MMP16: variants seen among roughly 807,000 people sequenced by gnomAD.
MMP16 encodes matrix metalloproteinase-16.
Under a neutral mutation model 67.8 loss-of-function variants are expected in MMP16, and 12 were observed. That is an observed-to-expected ratio of 0.18 (90% CI 0.11 to 0.29). MMP16 has a LOEUF of 0.29. Ranked by LOEUF, MMP16 falls within the 10% of genes least tolerant of loss-of-function variation. MMP16 has a pLI of 1.00. For synonymous variants in MMP16, 249 were observed against 255.9 expected, an observed-to-expected ratio of 0.97 and a Z score of 0.26; for missense variants, 475 against 765.7, an observed-to-expected ratio of 0.62 and a Z score of 4.48.
Position 88,041,353 on chromosome 8 carries a change from G to C in MMP16, c.*108C>G. The C allele has an allele frequency of 8.7e-7, 1 of 1,155,964 alleles. No homozygotes were observed. Among genetic ancestry groups the C allele is most frequent in the Non-Finnish European group, 1.2e-6 (1 of 804,786 alleles). The allele number at this position is 1,155,964 out of a possible 1,614,324, so 71.6% of individuals were successfully genotyped here. ...GGTTTGAAAGGTCAGCCCCGAATCA[G>C]GCTGCCACAAGCCTGCTCCTAGCTA... is the stretch of plus-strand genomic sequence containing the variant. On this transcript the variant is annotated 3_prime_UTR_variant, in exon 10 of 10. Coordinates refer to ENST00000286614, the MANE Select transcript of MMP16 (RefSeq NM_005941.5). The surrounding 1 kb of genome is among the most constrained non-coding windows in gnomAD (Gnocchi z 6.0).
At chr8:88,317,898 T>C (rs1811399012) in intron 1 of MMP16, among the ~76,000 whole-genome samples, 1 of 152,156 alleles carries the variant, frequency 6.6e-6, no homozygotes, top group Non-Finnish European at 1.5e-5. Context: ...AGGAACTCAA[T>C]AACATTTGAG....
intron 1 of MMP16, among the ~76,000 whole-genome samples, chr8:88,262,687 G>A (rs1228907468): frequency 6.6e-6 from 1 of 151,730 alleles, no homozygotes; most frequent in Non-Finnish European, 1.5e-5. Flanking sequence ...CAAGTAATTG[G>A]CAATTTTGGA....
intron 1 of MMP16, among the ~76,000 whole-genome samples, chr8:88,299,373 A>G (rs1423112400): frequency 6.6e-6 from 1 of 152,150 alleles, no homozygotes; most frequent in African/African-American, 2.4e-5. Flanking sequence ...CTAGCATCGT[A>G]TCTCTTTATC....
chr8:88,320,993 A>G (rs1811452097), intron 1 of MMP16, among the ~76,000 whole-genome samples: 1 of 152,214 alleles, frequency 6.6e-6, no homozygotes, highest in Non-Finnish European at 1.5e-5. Flanking sequence ...AAGAACCTCA[A>G]AATCTATAAA....
rs1458223471 is a variant in MMP16 at position 88,229,642 on chromosome 8, G to A, written c.133-32336C>T. On this transcript the variant is annotated intron_variant, in intron 1 of 9. Transcript: ENST00000286614. Reference sequence around the variant, plus strand: ...AAAATGCATTAGATTTAAAAATCCAGAGGCACCCAGTCAGTGAAGGGGCCA... The same window carrying A: ...AAAATGCATTAGATTTAAAAATCCAAAGGCACCCAGTCAGTGAAGGGGCCA... Among the ~76,000 whole-genome samples the A allele has an allele frequency of 2.0e-5, 3 of 151,856 alleles. No individual in the cohort carries two copies. In the East Asian group the frequency reaches 5.8e-4, roughly 29 times the overall value.
intron 6 of MMP16, among the ~76,000 whole-genome samples, chr8:88,075,739 G>C (rs1025911462): frequency 1.3e-5 from 2 of 151,796 alleles, no homozygotes; most frequent in Non-Finnish European, 2.9e-5. Context: ...ATTTCACTTG[G>C]AAGTTAAGTA....
chr8:88,149,289 C>A (rs1027810707), intron 4 of MMP16, among the ~76,000 whole-genome samples: 2 of 152,200 alleles, frequency 1.3e-5, no homozygotes, highest in African/African-American at 2.4e-5. Flanking sequence ...GGGTGAGGGG[C>A]GCCCGCCATT....
At chr8:88,306,863 T>C (rs1002938692) in intron 1 of MMP16, among the ~76,000 whole-genome samples, 3 of 152,000 alleles carry the variant, frequency 2.0e-5, no homozygotes, top group Non-Finnish European at 2.9e-5. Flanking sequence ...CCCTTGAAAA[T>C]TGGCACAAGA....
chr8:88,033,680 T>G lies in MMP16; in HGVS notation c.*7781A>C, dbSNP rs1808015325. ...TAAAATCAGATACCTAAAAAAATCT[T>G]TCAAAACTTTTAAGCCTGAAACAAA... On this transcript the variant is annotated 3_prime_UTR_variant, in exon 10 of 10. Transcript: ENST00000286614. The G allele has an allele frequency of 6.6e-6, 1 of 152,054 alleles. No individual in the cohort carries two copies. The highest frequency in any genetic ancestry group is 1.5e-5 in the Non-Finnish European group (1 of 67,972). 9.4% of individuals were successfully genotyped at this position (152,054 alleles called of 1,614,324 possible).
intron 4 of MMP16, among the ~76,000 whole-genome samples, chr8:88,125,659 C>T (rs1251452638): frequency 6.6e-6 from 1 of 151,858 alleles, no homozygotes; most frequent in Non-Finnish European, 1.5e-5. Flanking sequence ...ATGAATTAGA[C>T]CTGTCTTTAC....
At chr8:88,193,200 T>C (rs1809197131) in intron 2 of MMP16, among the ~76,000 whole-genome samples, 1 of 152,152 alleles carries the variant, frequency 6.6e-6, no homozygotes, top group Non-Finnish European at 1.5e-5. Flanking sequence ...ATGGTATTTA[T>C]ACACAATGGA....
intron 6 of MMP16, among the ~76,000 whole-genome samples, chr8:88,087,754 G>A (rs1252119763): frequency 6.6e-6 from 1 of 151,514 alleles, no homozygotes; most frequent in Non-Finnish European, 1.5e-5. Context: ...GACCAGCTGG[G>A]ACAACATAGT....
chr8:88,136,092 G>A (rs1808114263), intron 4 of MMP16, among the ~76,000 whole-genome samples: 1 of 151,890 alleles, frequency 6.6e-6, no homozygotes, highest in South Asian at 2.1e-4. Flanking sequence ...AACAGTAGAA[G>A]ACAGAGTGAG....
intron 7 of MMP16, among the ~76,000 whole-genome samples, chr8:88,070,120 C>G (rs1392990581): frequency 6.6e-6 from 1 of 152,060 alleles, no homozygotes; most frequent in Non-Finnish European, 1.5e-5. Flanking sequence ...CTAGATAAAA[C>G]TTGTTACAGT....
chr8:88,264,863 G>A (rs1810449630), intron 1 of MMP16, among the ~76,000 whole-genome samples: 1 of 152,230 alleles, frequency 6.6e-6, no homozygotes. Flanking sequence ...CCTAACCTCA[G>A]ATGTTAGTTT....
At chr8:88,224,228 C>T (rs973646081) in intron 1 of MMP16, among the ~76,000 whole-genome samples, 2 of 151,956 alleles carry the variant, frequency 1.3e-5, no homozygotes, top group African/African-American at 2.4e-5. Flanking sequence ...TGGGCATCAA[C>T]GTTAGGCTAT....
At position 88,170,076 on chromosome 8, in the gene MMP16, G is replaced by A. The variant is rs139276019; in HGVS notation, c.405-2103C>T. On this transcript the variant is annotated intron_variant, in intron 3 of 9. Transcript: ENST00000286614. ...GTACCAGTAGAGATTTTGAGAAGTGGTTGTATTTTGGATATATTTTGAGAA... is the reference window on the plus strand; with the variant it reads ...GTACCAGTAGAGATTTTGAGAAGTGATTGTATTTTGGATATATTTTGAGAA... Among the ~76,000 whole-genome samples, 54 of 152,252 alleles carry A rather than the reference G, an allele frequency of 3.5e-4. No individual in the cohort carries two copies. The East Asian group carries it at 9.7e-3, about 27-fold the overall frequency.
rs1254872089 is a variant in MMP16 at position 88,039,552 on chromosome 8, A to G, written c.*1909T>C. On this transcript the variant is annotated 3_prime_UTR_variant, in exon 10 of 10. Transcript: ENST00000286614. The surrounding 1 kb of genome is among the most constrained non-coding windows in gnomAD (Gnocchi z 4.5). ...AGACATAGAACAGGACTCTTCAAGG[A>G]AAATTTTCACAGAAGACAATGTTTA... The G allele has an allele frequency of 6.6e-6, 1 of 152,628 alleles. No individual in the cohort carries two copies. Among genetic ancestry groups the G allele is most frequent in the Non-Finnish European group, 1.5e-5 (1 of 68,044 alleles). 9.5% of individuals were successfully genotyped at this position (152,628 alleles called of 1,614,324 possible).
chr8:88,078,359 A>G (rs1287795586), intron 6 of MMP16, among the ~76,000 whole-genome samples: 1 of 152,186 alleles, frequency 6.6e-6, no homozygotes, highest in East Asian at 1.9e-4. Context: ...TAGTTCACAG[A>G]GATAAATTCA....
Sources: allele counts gnomAD v4.1 joint callset (sites outside exome capture counted in the v4.1 genomes callset), GRCh38; gene constraint gnomAD v4.1.1; non-coding constraint Gnocchi (gnomAD v3.1); transcripts MANE v1.5; gene names NCBI Gene and HGNC (gene_info 2026-07-23, HGNC 2026-07-21).